The following MAP3K20 variants were observed in gnomAD, a reference collection of about 807,000 sequenced individuals.
MAP3K20 encodes the protein HCCS-4.
MAP3K20 carries 40 observed loss-of-function variants against 85.7 expected under a neutral mutation model. The observed-to-expected ratio is 0.47, with a 90% CI of 0.36 to 0.61. MAP3K20 has a LOEUF of 0.61. MAP3K20 is among the 20% of genes least tolerant of loss of function. The pLI, the probability that MAP3K20 is intolerant of heterozygous loss-of-function variation, is 0.00. For synonymous variants in MAP3K20, 325 were observed against 327.7 expected (o/e 0.99, Z 0.09); for missense variants, 817 against 961.7 (o/e 0.85, Z 1.99).
In MAP3K20 at chr2:173,209,710, C is replaced by G. The variant is rs978283630; in HGVS notation, c.745-19C>G. 6 of 1,594,514 alleles carry G rather than the reference C, an allele frequency of 3.8e-6. No individual in the cohort carries two copies. Among genetic ancestry groups the G allele is most frequent in the Non-Finnish European group, 5.1e-6 (6 of 1,168,946 alleles). ...TTTCTTAAGTCCCAGCGAATGATTACTTATTTTCTCTTCTTCAGAAACGGC... is the reference window on the plus strand; with the variant it reads ...TTTCTTAAGTCCCAGCGAATGATTAGTTATTTTCTCTTCTTCAGAAACGGC... On this transcript the variant is annotated intron_variant, in intron 9 of 19. Coordinates refer to ENST00000375213, the MANE Select transcript of MAP3K20 (RefSeq NM_016653.3).
chr2:173,222,522 G>A (rs1684280040), intron 11 of MAP3K20: 1 of 985,680 alleles, frequency 1.0e-6, no homozygotes, highest in Non-Finnish European at 1.2e-6. Flanking sequence ...TGGTCTTAAG[G>A]GGATGCTTCC....
Position 173,266,462 on chromosome 2 carries a change from T to A in MAP3K20, c.2115T>A (p.Pro705=), listed in dbSNP as rs1053988. The change falls in exon 20 of 20, where the codon CCT becomes CCA. Residue 705 remains proline, a synonymous_variant. Transcript: ENST00000375213. ...RYSGKSQHST[P]SRGRYPGKFY... ...GTGGAAAGAGTCAGCATTCCACTCC[T>A]TCAAGAGGAAGATACCCTGGAAAGT... 6.2e-7 allele frequency: 1 copy of A among 1,614,026 alleles called. No individual in the cohort carries two copies. Among genetic ancestry groups the A allele is most frequent in the Admixed American group, 1.7e-5 (1 of 60,002 alleles).
intron 19 of MAP3K20, 95 bp downstream of exon 19, chr2:173,263,990 A>C: frequency 2.0e-6 from 3 of 1,480,402 alleles, no homozygotes; most frequent in Non-Finnish European, 2.7e-6. Context: ...ATACCACCTC[A>C]ATCAGTTAAG....
chr2:173,172,140 G>C (rs2106252872), intron 3 of MAP3K20, among the ~76,000 whole-genome samples: 1 of 152,290 alleles, frequency 6.6e-6, no homozygotes, highest in South Asian at 2.1e-4. Flanking sequence ...CACTTACTCT[G>C]CCACTGGAAA....
chr2:173,199,406 T>A (rs1019418252), intron 8 of MAP3K20, among the ~76,000 whole-genome samples: 1 of 152,232 alleles, frequency 6.6e-6, no homozygotes, highest in South Asian at 2.1e-4. Context: ...AGCTGTTCTG[T>A]TTTAATTAAA....
At chr2:173,162,680 C>T (rs1417899863) in intron 2 of MAP3K20, among the ~76,000 whole-genome samples, 1 of 132,010 alleles carries the variant, frequency 7.6e-6, no homozygotes, top group Admixed American at 7.5e-5. Context: ...GAATGAAACT[C>T]CGTCTCCAAA....
chr2:173,083,231 C>G (rs1017249140), intron 1 of MAP3K20, among the ~76,000 whole-genome samples: 1 of 152,142 alleles, frequency 6.6e-6, no homozygotes, highest in African/African-American at 2.4e-5. Flanking sequence ...CTGAACCCAA[C>G]CTACTCTGTA....
intron 2 of MAP3K20, among the ~76,000 whole-genome samples, chr2:173,157,321 A>AC (rs1027822956): frequency 2.2e-5 from 2 of 90,928 alleles, no homozygotes; most frequent in Non-Finnish European, 5.1e-5. Context: ...AGGGTTTGGT[A>AC]CCTTTTTTTT....
At chr2:173,226,757 T>C in intron 11 of MAP3K20, 1 of 985,644 alleles carries the variant, frequency 1.0e-6, no homozygotes, top group South Asian at 4.7e-5. Flanking sequence ...TATGATACAC[T>C]GCACATATTG....
chr2:173,242,652 G>T (rs1391084201), intron 16 of MAP3K20, among the ~76,000 whole-genome samples: 1 of 147,608 alleles, frequency 6.8e-6, no homozygotes, highest in Non-Finnish European at 1.5e-5. Flanking sequence ...GTTGCTGCAG[G>T]TTTTGATCCT....
intron 2 of MAP3K20, among the ~76,000 whole-genome samples, chr2:173,154,264 A>C (rs886711017): frequency 6.6e-6 from 1 of 152,020 alleles, no homozygotes; most frequent in African/African-American, 2.4e-5. Flanking sequence ...GCTCACTGCA[A>C]CCTCTGCCTC....
intron 10 of MAP3K20, among the ~76,000 whole-genome samples, chr2:173,213,539 AG>A (rs1468465193): frequency 6.6e-6 from 1 of 152,240 alleles, no homozygotes; most frequent in African/African-American, 2.4e-5. Flanking sequence ...TACTTCATTT[AG>A]ATTTTCTTTT....
At chr2:173,131,675 A>T (rs1043891152) in intron 2 of MAP3K20, among the ~76,000 whole-genome samples, 17 of 152,206 alleles carry the variant, frequency 1.1e-4, no homozygotes, top group African/African-American at 3.9e-4. Context: ...AAAATTCAGA[A>T]AATCATGTGT....
intron 4 of MAP3K20, 67 bp downstream of exon 4, chr2:173,183,022 TA>T: frequency 8.1e-7 from 1 of 1,229,718 alleles, no homozygotes; most frequent in African/African-American, 1.5e-5. Context: ...AATGGGGACT[TA>T]ACATCAGAAA....
chr2:173,181,077 A>G (rs560318237), intron 3 of MAP3K20, among the ~76,000 whole-genome samples: 138 of 152,334 alleles, frequency 9.1e-4, no homozygotes, highest in Non-Finnish European at 1.7e-3. Flanking sequence ...AAAGATTTGA[A>G]TAGATATTTT....
At chr2:173,202,560 G>T (rs140836316) in intron 8 of MAP3K20, among the ~76,000 whole-genome samples, 90 of 152,246 alleles carry the variant, frequency 5.9e-4, no homozygotes, top group African/African-American at 2.1e-3. Flanking sequence ...CCCTTGAGGT[G>T]AAATTCAAAG....
At chr2:173,119,460 A>G (rs1431636771) in intron 2 of MAP3K20, among the ~76,000 whole-genome samples, 2 of 152,254 alleles carry the variant, frequency 1.3e-5, no homozygotes. Context: ...AAGGAAAAGC[A>G]TATAGGAAAC....
rs1690522283 is a variant in MAP3K20 at position 173,187,496 on chromosome 2, A to T, written c.350-62A>T. On this transcript the variant is annotated intron_variant, in intron 4 of 19. Coordinates refer to ENST00000375213, the MANE Select transcript of MAP3K20 (RefSeq NM_016653.3). ...CTTGAGTTCTTTGAAAAACTATGAA[A>T]GGTAATACTGATGTAATGTTGAAAA... 2.2e-6 allele frequency: 3 copies of T among 1,391,386 alleles called. No homozygotes were observed. In the Admixed American group the frequency reaches 6.7e-5, roughly 31 times the overall value. The allele number at this position is 1,391,386 out of a possible 1,614,324, so 86.2% of individuals were successfully genotyped here.
intron 1 of MAP3K20, among the ~76,000 whole-genome samples, chr2:173,076,270 C>G (rs952053262): frequency 9.9e-5 from 15 of 151,938 alleles, no homozygotes; most frequent in African/African-American, 3.6e-4. Context: ...AAGTGCGGTT[C>G]GGGAGAGTTC....
Sources: gnomAD v4.1 joint callset for allele counts (sites outside exome capture counted in the v4.1 genomes callset) on GRCh38, gnomAD v4.1.1 for gene constraint, MANE v1.5 for transcripts, NCBI Gene and HGNC (gene_info 2026-07-23, HGNC 2026-07-21) for gene names.